Variants in ANKRD42 observed in about 807,000 individuals in gnomAD.
The protein encoded by ANKRD42 is ankyrin repeat domain-containing protein 42.
ANKRD42 carries 43 observed loss-of-function variants against 51.5 expected under a neutral mutation model. That is an observed-to-expected ratio of 0.83 (90% CI 0.65 to 1.08). ANKRD42 has a LOEUF of 1.08. ANKRD42 is among the 50% of genes least tolerant of loss of function. The pLI is 0.00. For synonymous variants in ANKRD42, 203 were observed against 213.0 expected, an observed-to-expected ratio of 0.95 and a Z score of 0.41; for missense variants, 608 against 629.3, an observed-to-expected ratio of 0.97 and a Z score of 0.36.
At chr11:83,238,213 C>T (rs570435858) in intron 8 of ANKRD42, among the ~76,000 whole-genome samples, 7 of 152,172 alleles carry the variant, frequency 4.6e-5, no homozygotes, top group Non-Finnish European at 8.8e-5. Flanking sequence ...GGTTGAAGGG[C>T]ATCTTGATTG....
At chr11:83,211,490 T>C in intron 5 of ANKRD42, 60 bp downstream of exon 5, 1 of 1,572,098 alleles carries the variant, frequency 6.4e-7, no homozygotes. Context: ...AAATGTTTGA[T>C]CTTGTTTAAG....
rs772192637 is a variant in ANKRD42 at position 83,225,068 on chromosome 11, GT to G, written c.787+15del. ...GAGGATCAGGAAAGTAAGTAATTAA[GT>G]TATATGTTCTAGCATATAATGTGAT... On this transcript the variant is annotated intron_variant, in intron 6 of 10. Transcript: ENST00000533342. 3 of 1,600,884 alleles carry G rather than the reference GT, an allele frequency of 1.9e-6. No homozygotes were observed. The African/African-American group carries it at 4.0e-5, about 21-fold the overall frequency.
At position 83,209,440 on chromosome 11, in the gene ANKRD42, C is replaced by T. The variant is rs141606433; in HGVS notation, c.331-860C>T. ...TTTACTATTCAGACAAATACGACGA[C>T]GAGGAGTTTGAGTATCGACATGTCG... On this transcript the variant is annotated intron_variant, in intron 3 of 10. Transcript: ENST00000533342. 178 of 1,588,692 alleles carry T rather than the reference C, an allele frequency of 1.1e-4. No individual in the cohort carries two copies. The African/African-American group carries it at 1.6e-3, about 14-fold the overall frequency.
Position 83,193,855 on chromosome 11 carries a change from C to T in ANKRD42, c.-816C>T, listed in dbSNP as rs758321169. The stretch of plus-strand genomic sequence containing the variant: ...GGGAGTAGCAGACGAAGACGGTGGC[C>T]GCCGCACTAGCCACCACGTGTGGAG... On this transcript the variant is annotated 5_prime_UTR_variant, in exon 1 of 11. Transcript: ENST00000533342. The T allele has an allele frequency of 2.5e-4, 112 of 455,056 alleles. 1 individual carries two copies. Among genetic ancestry groups the T allele is most frequent in the Non-Finnish European group, 1.2e-4 (27 of 225,932 alleles). 28.2% of individuals were successfully genotyped at this position (455,056 alleles called of 1,614,324 possible). A position where few individuals can be genotyped will look rare whatever the true frequency, so the allele number is the denominator to read the frequency against.
At chr11:83,200,539 C>G (rs566787407) in intron 2 of ANKRD42, among the ~76,000 whole-genome samples, 1 of 152,124 alleles carries the variant, frequency 6.6e-6, no homozygotes, top group Admixed American at 6.5e-5. Context: ...TTCATATAAT[C>G]AAAACACATT....
chr11:83,253,523 C>CA (rs1164969226), downstream of ANKRD42, among the ~76,000 whole-genome samples: 1 of 151,946 alleles, frequency 6.6e-6, no homozygotes, highest in South Asian at 2.1e-4. Flanking sequence ...TCTTTCAGGG[C>CA]AAAAAAATAC....
intron 8 of ANKRD42, among the ~76,000 whole-genome samples, chr11:83,237,894 C>G (rs1472767460): frequency 6.6e-6 from 1 of 152,188 alleles, no homozygotes; most frequent in Non-Finnish European, 1.5e-5. Context: ...TGACTGCTCC[C>G]CAGTGTGCCC....
At chr11:83,228,526 G>C (rs1862969063) in intron 7 of ANKRD42, among the ~76,000 whole-genome samples, 1 of 152,124 alleles carries the variant, frequency 6.6e-6, no homozygotes, top group Non-Finnish European at 1.5e-5. Context: ...ACCATGCCTG[G>C]CCTGATGGCA....
chr11:83,210,366 G>T lies in ANKRD42; in HGVS notation c.397G>T (p.Ala133Ser). The stretch of plus-strand genomic sequence containing the variant: ...CCGGGGATGCACTCCTTTACATCTT[G>T]CTGCAACTCATGGACATTCTTTCAC... ...DDRGCTPLHL[A>S]ATHGHSFTLQ... The change falls in exon 4 of 11, where the codon GCT becomes TCT. Residue 133 changes from alanine (A) to serine (S), a missense_variant. Ala to Ser is a moderately conservative substitution (Grantham distance 99). Transcript: ENST00000533342. 1 of 1,614,012 alleles carries T rather than the reference G, an allele frequency of 6.2e-7. No homozygotes were observed. The highest frequency in any genetic ancestry group is 8.5e-7 in the Non-Finnish European group (1 of 1,179,950).
At chr11:83,200,430 A>C (rs961886261) in intron 2 of ANKRD42, among the ~76,000 whole-genome samples, 1 of 152,150 alleles carries the variant, frequency 6.6e-6, no homozygotes, top group Non-Finnish European at 1.5e-5. Flanking sequence ...TGGCATCTCA[A>C]ATTCAACTAG....
At chr11:83,260,321 C>T (rs1863870682), downstream of ANKRD42, 1 of 152,134 alleles carries the variant, frequency 6.6e-6, no homozygotes, top group East Asian at 1.9e-4. Flanking sequence ...AGCAGGCAGT[C>T]ATATTGGTTA....
chr11:83,211,670 G>A (rs1466559072), intron 5 of ANKRD42, among the ~76,000 whole-genome samples: 1 of 151,806 alleles, frequency 6.6e-6, no homozygotes, highest in Admixed American at 6.6e-5. Context: ...AAAAAGCTGG[G>A]TATTGTGGTG....
intron 5 of ANKRD42, among the ~76,000 whole-genome samples, chr11:83,222,321 A>G (rs1862740982): frequency 6.6e-6 from 1 of 152,216 alleles, no homozygotes; most frequent in Non-Finnish European, 1.5e-5. Flanking sequence ...AGCACATACT[A>G]TGTGTTAGTT....
At chr11:83,237,281 TTC>T (rs1256480803) in intron 8 of ANKRD42, among the ~76,000 whole-genome samples, 2 of 152,210 alleles carry the variant, frequency 1.3e-5, no homozygotes, top group African/African-American at 4.8e-5. Flanking sequence ...AAAAAAATCT[TTC>T]TGTTTGAAAG....
intron 2 of ANKRD42, among the ~76,000 whole-genome samples, chr11:83,203,468 A>T (rs982563506): frequency 2.1e-5 from 3 of 141,072 alleles, no homozygotes; most frequent in Non-Finnish European, 4.5e-5. Context: ...GTCTTGGTTG[A>T]CTGCAACCCC....
intron 7 of ANKRD42, among the ~76,000 whole-genome samples, chr11:83,229,488 G>C (rs1335063254): frequency 6.6e-6 from 1 of 152,074 alleles, no homozygotes; most frequent in Non-Finnish European, 1.5e-5. Context: ...GAAAAGATAG[G>C]CTCACTCATG....
chr11:83,235,428 T>C (rs1167630544), intron 7 of ANKRD42, among the ~76,000 whole-genome samples: 1 of 152,232 alleles, frequency 6.6e-6, no homozygotes, highest in East Asian at 1.9e-4. Flanking sequence ...TCGTCTATGT[T>C]AAAGATGAGG....
At chr11:83,225,212 T>G (rs1167586288) in intron 6 of ANKRD42, among the ~76,000 whole-genome samples, 157 bp downstream of exon 6, 2 of 152,182 alleles carry the variant, frequency 1.3e-5, no homozygotes, top group Non-Finnish European at 2.9e-5. Flanking sequence ...CATATTAAAA[T>G]TTATTACATA....
chr11:83,199,650 A>G (rs982191153), intron 2 of ANKRD42, among the ~76,000 whole-genome samples: 2 of 152,164 alleles, frequency 1.3e-5, no homozygotes, highest in African/African-American at 2.4e-5. Flanking sequence ...TCATGATTCA[A>G]GGTTATGTGT....
Sources: allele counts gnomAD v4.1 joint callset (sites outside exome capture counted in the v4.1 genomes callset), GRCh38; gene constraint gnomAD v4.1.1; transcripts MANE v1.5; gene names NCBI Gene and HGNC (gene_info 2026-07-23, HGNC 2026-07-21).